Variants in A2ML1 observed in about 807,000 individuals in gnomAD.
A2ML1 encodes alpha-2-macroglobulin like 1, also known as alpha-2-macroglobulin-like protein 1.
Under a neutral mutation model 181.9 loss-of-function variants are expected in A2ML1, and 161 were observed. The observed-to-expected ratio is 0.89, with a 90% CI of 0.78 to 1.01. The LOEUF (loss-of-function observed/expected upper bound fraction) is 1.01, where lower values mean the gene tolerates loss of function less well. Ranked by LOEUF, A2ML1 falls within the 50% of genes least tolerant of loss-of-function variation. The pLI is 0.00. For synonymous variants in A2ML1, 663 were observed against 666.8 expected, an observed-to-expected ratio of 0.99 and a Z score of 0.09; for missense variants, 1,670 against 1,768.1, an observed-to-expected ratio of 0.94 and a Z score of 1.00.
Position 8,855,695 on chromosome 12 carries a change from A to G in A2ML1, c.2848+103A>G, listed in dbSNP as rs12300533. The G allele has an allele frequency of 6.1e-3, 6,478 of 1,066,030 alleles. 289 individuals are homozygous for G. In the African/African-American group the frequency reaches 0.09, roughly 15 times the overall value. The allele number at this position is 1,066,030 out of a possible 1,614,324, so 66.0% of individuals were successfully genotyped here. On this transcript the variant is annotated intron_variant, in intron 23 of 35. Transcript: ENST00000299698. ...ACGGACCTATCCGGAGAGTGTAACTAATAACAAGTGATGAAGGAAAAAGAG... is the reference window on the plus strand; with the variant it reads ...ACGGACCTATCCGGAGAGTGTAACTGATAACAAGTGATGAAGGAAAAAGAG...
rs529270444 is a variant in A2ML1, at chr12:8,864,287, C to T, written c.3717+279C>T. On this transcript the variant is annotated intron_variant, in intron 29 of 35. Coordinates refer to ENST00000299698, the MANE Select transcript of A2ML1 (RefSeq NM_144670.6). The stretch of plus-strand genomic sequence containing the variant: ...CAGCACTTTGAGAGGCCGAGGCAGG[C>T]GGATCACCTGAGGTCAGGAGTTCGA... Among the ~76,000 whole-genome samples the T allele has an allele frequency of 9.2e-3, 725 of 78,978 alleles. 121 individuals carry two copies. Among genetic ancestry groups the T allele is most frequent in the Non-Finnish European group, 0.013 (455 of 35,142 alleles). The allele number at this position is 78,978 out of a possible 152,430, so 51.8% of individuals were successfully genotyped here.
Position 8,852,690 on chromosome 12 carries a change from A to T in A2ML1, c.2590+354A>T, listed in dbSNP as rs1402577546. Among the ~76,000 whole-genome samples the T allele has an allele frequency of 6.6e-6, 1 of 152,114 alleles. No homozygotes were observed. The highest frequency in any genetic ancestry group is 2.4e-5 in the African/African-American group (1 of 41,420). ...ACTCATTAAATTGATTGACTAATTA[A>T]TTTTTATTTTATTTATTTATTTTTG... On this transcript the variant is annotated intron_variant, in intron 20 of 35. Transcript: ENST00000299698. The surrounding 1 kb of genome is among the most constrained non-coding windows in gnomAD (Gnocchi z 4.2).
At chr12:8,857,857 G>A (rs1356139225) in intron 25 of A2ML1, 89 bp from the exon 26 acceptor site, 6 of 1,532,942 alleles carry the variant, frequency 3.9e-6, no homozygotes, top group Non-Finnish European at 5.3e-6. Flanking sequence ...CTCCCCTTCT[G>A]GAAGTATACA....
In A2ML1 at chr12:8,861,225, T is replaced by C. The variant is rs1198962521; in HGVS notation, c.3430T>C (p.Phe1144Leu). The C allele has an allele frequency of 6.2e-7, 1 of 1,614,148 alleles. No individual in the cohort carries two copies. Among genetic ancestry groups the C allele is most frequent in the South Asian group, 1.1e-5 (1 of 91,088 alleles). The change falls in exon 28 of 36, where the codon TTC (phenylalanine) becomes CTC (leucine). Residue 1144 changes from phenylalanine (F) to leucine (L), a missense_variant. Physicochemically the swap from Phe to Leu is conservative, Grantham distance 22 (BLOSUM62 0). Transcript: ENST00000299698. Reference sequence around the variant, plus strand: ...CACACAGGCCCTGTTGGCTTACATTTTCTCCCTGGCTGGGGAAATGGACAT... The same window carrying C: ...CACACAGGCCCTGTTGGCTTACATTCTCTCCCTGGCTGGGGAAATGGACAT... ...LYTQALLAYI[F>L]SLAGEMDIRN...
intron 8 of A2ML1, 140 bp from the exon 9 acceptor site, chr12:8,838,196 A>C: frequency 1.8e-6 from 1 of 556,928 alleles, no homozygotes; most frequent in Non-Finnish European, 3.2e-6. Flanking sequence ...TGTATACTTC[A>C]TGTTGTAGGA....
chr12:8,881,904 G>C (rs963878185), intron 7 of A2ML1, among the ~76,000 whole-genome samples: 4 of 151,916 alleles, frequency 2.6e-5, no homozygotes, highest in Admixed American at 6.6e-5. Flanking sequence ...CCAGCTACTC[G>C]GGAGGCTGAG....
rs2136932050 is a variant in A2ML1 at position 8,861,292 on chromosome 12, T to C, written c.3497T>C (p.Ile1166Thr). ...LLKQLDQQAI[I>T]SGESIYWSQK... ...AAACAGTTAGATCAACAGGCTATCATCTCAGGTATGTTGGTCCTGTTGAGA... is the reference window on the plus strand; with the variant it reads ...AAACAGTTAGATCAACAGGCTATCACCTCAGGTATGTTGGTCCTGTTGAGA... Residue 1166 changes from isoleucine to threonine, a missense_variant, in exon 28 of 36, where the codon ATC becomes ACC. Transcript: ENST00000299698. 3 of 1,614,046 alleles carry C rather than the reference T, an allele frequency of 1.9e-6. No homozygotes were observed. In the South Asian group the frequency reaches 3.3e-5, roughly 18 times the overall value.
intron 10 of A2ML1, among the ~76,000 whole-genome samples, chr12:8,839,493 T>C (rs1439899868): frequency 6.8e-6 from 1 of 146,500 alleles, no homozygotes; most frequent in Non-Finnish European, 1.5e-5. Flanking sequence ...GCCTCCCGGG[T>C]ATACACTCTC....
At chr12:8,840,054 T>A (rs1388371299) in intron 10 of A2ML1, among the ~76,000 whole-genome samples, 1 of 152,118 alleles carries the variant, frequency 6.6e-6, no homozygotes, top group Non-Finnish European at 1.5e-5. Context: ...ACTAGCAATT[T>A]TCTTTAGAGA....
rs763452733 is a variant in A2ML1, at chr12:8,852,274, C to T, written c.2528C>T (p.Ser843Phe). 6.2e-7 allele frequency: 1 copy of T among 1,614,182 alleles called. No homozygotes were observed. The highest frequency in any genetic ancestry group is 8.5e-7 in the Non-Finnish European group (1 of 1,180,052). Residue 843 changes from serine (S) to phenylalanine (F), a missense_variant, in exon 20 of 36, where the codon TCC becomes TTC. Physicochemically the swap from Ser to Phe is radical, Grantham distance 155. Coordinates refer to ENST00000299698, the MANE Select transcript of A2ML1 (RefSeq NM_144670.6). This position sits in a 1 kb window ranked among gnomAD's most constrained non-coding sequence, Gnocchi z 4.2. ...QLESWADSQT[S>F]SCLCADDAKT... ...GAATCATGGGCAGATTCTCAGACCT[C>T]CAGTTGTCTCTGTGCTGATGACGCA...
intron 3 of A2ML1, among the ~76,000 whole-genome samples, chr12:8,826,816 G>A (rs762407183): frequency 5.9e-5 from 9 of 152,010 alleles, no homozygotes; most frequent in South Asian, 2.1e-4. Context: ...ATGGAGTTTC[G>A]CCATGTTGGC....
At chr12:8,836,142 T>C in intron 6 of A2ML1, 113 bp from the exon 7 acceptor site, 1 of 788,712 alleles carries the variant, frequency 1.3e-6, no homozygotes, top group Non-Finnish European at 2.1e-6. Context: ...AAATAATGCC[T>C]CCTTCATTAG....
chr12:8,842,927 C>G lies in A2ML1; in HGVS notation c.1249-207C>G, dbSNP rs7137125. On this transcript the variant is annotated intron_variant, in intron 11 of 35. Coordinates refer to ENST00000299698, the MANE Select transcript of A2ML1 (RefSeq NM_144670.6). ...ACTATAATTCAGCCCTTCTGTCGCT[C>G]TCCTACATACCAAAATATTGCTGTA... 0.49 allele frequency among the ~76,000 whole-genome samples: 74,512 copies of G among 152,010 alleles called. 19,308 individuals are homozygous for G. The highest frequency in any genetic ancestry group is 0.72 in the Middle Eastern group (212 of 294).
chr12:8,851,705 C>T (rs975442214), intron 18 of A2ML1, 79 bp from the exon 19 acceptor site: 26 of 1,387,366 alleles, frequency 1.9e-5, no homozygotes, highest in Admixed American at 1.6e-4. Flanking sequence ...CACACCCCAC[C>T]GAATTTGTGG....
chr12:8,831,660 AC>A (rs1943115869), intron 4 of A2ML1, among the ~76,000 whole-genome samples: 1 of 152,144 alleles, frequency 6.6e-6, no homozygotes, highest in Admixed American at 6.5e-5. Context: ...AGAGTAACTC[AC>A]CCAGAGCCGG....
At chr12:8,843,634 C>T (rs191477365) in intron 12 of A2ML1, among the ~76,000 whole-genome samples, 2 of 151,842 alleles carry the variant, frequency 1.3e-5, no homozygotes, top group African/African-American at 4.8e-5. Context: ...TCAACGGTGT[C>T]TTTGAAACTC....
chr12:8,855,518 C>G lies in A2ML1; in HGVS notation c.2774C>G (p.Ala925Gly). The G allele has an allele frequency of 6.2e-7, 1 of 1,614,110 alleles. No individual in the cohort carries two copies. The highest frequency in any genetic ancestry group is 8.5e-7 in the Non-Finnish European group (1 of 1,180,006). ...SSLLCPKGKVASESVSLELPV... is the reference protein window; with the variant it reads ...SSLLCPKGKVGSESVSLELPV... ...TTTCTGCATCTCACAGGAAAGGTGG[C>G]ATCTGAATCTGTCTCCCTGGAGCTC... Residue 925 changes from alanine (A) to glycine (G), a missense_variant, in exon 23 of 36, where the codon GCA (alanine) becomes GGA (glycine). Coordinates refer to ENST00000299698, the MANE Select transcript of A2ML1 (RefSeq NM_144670.6).
chr12:8,845,428 C>G lies in A2ML1; in HGVS notation c.1477-14C>G. ...TAACTTCTGTGCAGTTGATTCTTTT[C>G]TTTTCTTCTTTAGTTAATAGGGAAA... On this transcript the variant is annotated splice_polypyrimidine_tract_variant and intron_variant, in intron 12 of 35. Transcript: ENST00000299698. 6.2e-7 allele frequency: 1 copy of G among 1,613,754 alleles called. No individual in the cohort carries two copies. Among genetic ancestry groups the G allele is most frequent in the Non-Finnish European group, 8.5e-7 (1 of 1,179,822 alleles).
chr12:8,857,436 A>AC, intron 24 of A2ML1, 71 bp from the exon 25 acceptor site: 1 of 1,608,212 alleles, frequency 6.2e-7, no homozygotes, highest in African/African-American at 1.3e-5. Flanking sequence ...CAAGTGTCCC[A>AC]TATCCTTGAA....
Sources: gnomAD v4.1 joint callset for allele counts (sites outside exome capture counted in the v4.1 genomes callset) on GRCh38, gnomAD v4.1.1 for gene constraint, Gnocchi (gnomAD v3.1) non-coding constraint, MANE v1.5 for transcripts, NCBI Gene and HGNC (gene_info 2026-07-23, HGNC 2026-07-21) for gene names.